PLEKHH2: variants seen among roughly 807,000 people sequenced by gnomAD.
The protein encoded by PLEKHH2 is pleckstrin homology domain-containing family H member 2.
Under a neutral mutation model 187.9 loss-of-function variants are expected in PLEKHH2, and 129 were observed. That is an observed-to-expected ratio of 0.69 (90% confidence interval 0.59 to 0.79). The LOEUF (loss-of-function observed/expected upper bound fraction) is 0.79, where lower values mean the gene tolerates loss of function less well. Among genes scored for constraint, PLEKHH2 ranks in the 30% least tolerant of loss-of-function variants. PLEKHH2 has a pLI of 0.00. For missense variants in PLEKHH2, 2,076 were observed against 1,751.2 expected, an observed-to-expected ratio of 1.19 and a Z score of -3.31; for synonymous variants, 686 against 605.6, an observed-to-expected ratio of 1.13 and a Z score of -1.95.
At chr2:43,650,714 C>G (rs990869880) in intron 2 of PLEKHH2, among the ~76,000 whole-genome samples, 7 of 151,044 alleles carry the variant, frequency 4.6e-5, no homozygotes, top group Non-Finnish European at 1.0e-4. Flanking sequence ...GGTACGATCT[C>G]TACTCACTGC....
At chr2:43,710,643 C>G (rs1413196398) in intron 14 of PLEKHH2, 68 bp downstream of exon 14, 4 of 1,490,420 alleles carry the variant, frequency 2.7e-6, no homozygotes, top group South Asian at 1.3e-5. Flanking sequence ...ATTATCCAAC[C>G]TAATGGAAAG....
At chr2:43,759,967 A>T (rs1672359988) in intron 27 of PLEKHH2, among the ~76,000 whole-genome samples, 1 of 152,210 alleles carries the variant, frequency 6.6e-6, no homozygotes, top group Admixed American at 6.5e-5. Flanking sequence ...GGTGAGAATT[A>T]ATTTTTTTCT....
chr2:43,700,013 A>G lies in PLEKHH2; in HGVS notation c.1055A>G (p.Tyr352Cys), dbSNP rs200321816. 3.1e-6 allele frequency: 5 copies of G among 1,614,188 alleles called. No individual in the cohort carries two copies. The East Asian group carries it at 8.9e-5, about 29-fold the overall frequency. Residue 352 changes from tyrosine to cysteine, a missense_variant, in exon 8 of 30, where the codon TAT becomes TGT. Coordinates refer to ENST00000282406, the MANE Select transcript of PLEKHH2 (RefSeq NM_172069.4). ...GIKRPEHKKL[Y>C]SWQQEAQWKA... ...AAGAGACCAGAACACAAGAAGCTAT[A>G]TTCTTGGCAGCAGGAGGCACAGTGG... is the stretch of plus-strand genomic sequence containing the variant.
chr2:43,689,361 AGGC>A, intron 3 of PLEKHH2, among the ~76,000 whole-genome samples: 1 of 152,332 alleles, frequency 6.6e-6, no homozygotes, highest in Middle Eastern at 3.4e-3. Context: ...TCCACACTGG[AGGC>A]TATCCGTGTA....
rs746552467 is a variant in PLEKHH2, at chr2:43,700,496, C to G, written c.1538C>G (p.Ser513Cys). Residue 513 changes from serine to cysteine, a missense_variant, in exon 8 of 30, where the codon TCC becomes TGC. Physicochemically the swap from Ser to Cys is moderately radical, Grantham distance 112. Coordinates refer to ENST00000282406, the MANE Select transcript of PLEKHH2 (RefSeq NM_172069.4). ...ACGAGTTGTGATGATGGATTATTTT[C>G]CTATGACTCCTTGGACTCTCCAAAT... ...MDTSCDDGLF[S>C]YDSLDSPNSD... 1.9e-6 allele frequency: 3 copies of G among 1,614,002 alleles called. No homozygotes were observed. Among genetic ancestry groups the G allele is most frequent in the Non-Finnish European group, 2.5e-6 (3 of 1,179,996 alleles).
intron 2 of PLEKHH2, among the ~76,000 whole-genome samples, chr2:43,648,774 T>A (rs563996721): frequency 1.1e-4 from 16 of 151,358 alleles, no homozygotes; most frequent in Admixed American, 8.6e-4. Flanking sequence ...GAGACGGGGT[T>A]TCACCATGTT....
chr2:43,638,264 CACACACACACACA>C (rs1703209596), intron 1 of PLEKHH2, among the ~76,000 whole-genome samples: 2 of 148,644 alleles, frequency 1.3e-5, no homozygotes, highest in Non-Finnish European at 3.0e-5. Context: ...CACACACACA[CACACACACACACA>C]CACACACACA....
intron 2 of PLEKHH2, among the ~76,000 whole-genome samples, chr2:43,654,088 CAG>C (rs1666620952): frequency 6.6e-6 from 1 of 152,118 alleles, no homozygotes; most frequent in Admixed American, 6.5e-5. Context: ...TCAAAAGAAA[CAG>C]AAGCATGTTA....
rs527848676 is a variant in PLEKHH2 at position 43,766,033 on chromosome 2, G to A, written c.*435G>A. 5.7e-5 allele frequency: 9 copies of A among 156,898 alleles called. No homozygotes were observed. Among genetic ancestry groups the A allele is most frequent in the South Asian group, 2.0e-4 (1 of 5,088 alleles). 9.7% of individuals were successfully genotyped at this position (156,898 alleles called of 1,614,324 possible). A position where few individuals can be genotyped will look rare whatever the true frequency, so the allele number is the denominator to read the frequency against. Reference sequence around the variant, plus strand: ...AATAGTAAGTGCTATAACTAAATGCGCTTTTAATTAATGATATAGTGTTTG... The same window carrying A: ...AATAGTAAGTGCTATAACTAAATGCACTTTTAATTAATGATATAGTGTTTG... On this transcript the variant is annotated 3_prime_UTR_variant, in exon 30 of 30. Coordinates refer to ENST00000282406, the MANE Select transcript of PLEKHH2 (RefSeq NM_172069.4).
At chr2:43,684,152 G>C (rs746263896) in intron 3 of PLEKHH2, among the ~76,000 whole-genome samples, 4 of 151,882 alleles carry the variant, frequency 2.6e-5, no homozygotes, top group Non-Finnish European at 4.4e-5. Flanking sequence ...GTATCATATA[G>C]GATATGATAC....
chr2:43,755,166 C>T (rs1445479445), intron 25 of PLEKHH2, among the ~76,000 whole-genome samples: 1 of 152,100 alleles, frequency 6.6e-6, no homozygotes, highest in Non-Finnish European at 1.5e-5. Flanking sequence ...AGCCACCGCG[C>T]CCAGCCAAAA....
At chr2:43,759,445 T>G (rs1374449706) in intron 27 of PLEKHH2, among the ~76,000 whole-genome samples, 1 of 152,232 alleles carries the variant, frequency 6.6e-6, no homozygotes, top group Non-Finnish European at 1.5e-5. Flanking sequence ...CAGGACTATT[T>G]TACTTTGTAA....
chr2:43,671,954 C>T (rs1298774623), intron 2 of PLEKHH2, among the ~76,000 whole-genome samples: 2 of 152,168 alleles, frequency 1.3e-5, no homozygotes, highest in African/African-American at 4.8e-5. Context: ...GAAGCATTCC[C>T]TTCTCTTATG....
At chr2:43,759,365 T>C (rs1371501211) in intron 27 of PLEKHH2, among the ~76,000 whole-genome samples, 6 of 152,246 alleles carry the variant, frequency 3.9e-5, no homozygotes, top group African/African-American at 1.2e-4. Context: ...CTAAGTTCTG[T>C]CTGCTAAACA....
Position 43,765,431 on chromosome 2 carries a change from T to C in PLEKHH2, c.4315T>C (p.Leu1439=). The change falls in exon 30 of 30, where the codon TTG becomes CTG. Residue 1439 remains leucine (L), a synonymous_variant. Transcript: ENST00000282406. ...GTTTTAGATTCTTGAAATCACTCTTTTGATCGCCAGTTACATAAACAACTT... is the reference window on the plus strand; with the variant it reads ...GTTTTAGATTCTTGAAATCACTCTTCTGATCGCCAGTTACATAAACAACTT... ...AKPKILEITL[L]IASYINNFHQ... is the part of the protein sequence containing the mutation. 1.2e-6 allele frequency: 2 copies of C among 1,614,140 alleles called. No individual in the cohort carries two copies. The highest frequency in any genetic ancestry group is 1.7e-5 in the Admixed American group (1 of 60,026).
rs1669304123 is a variant in PLEKHH2 at position 43,700,431 on chromosome 2, A to G, written c.1473A>G (p.Leu491=). The change falls in exon 8 of 30, where the codon CTA becomes CTG. Residue 491 remains leucine, a synonymous_variant. Coordinates refer to ENST00000282406, the MANE Select transcript of PLEKHH2 (RefSeq NM_172069.4). ...PLRPQETDLD[L]VDGDSTEVLE... ...GACCTCAGGAAACTGATCTTGATCT[A>G]GTTGATGGAGACAGTACAGAAGTTT... The G allele has an allele frequency of 3.1e-6, 5 of 1,614,130 alleles. No individual in the cohort carries two copies. The highest frequency in any genetic ancestry group is 1.1e-5 in the South Asian group (1 of 91,086).
At chr2:43,765,005 C>T (rs1165982472) in intron 29 of PLEKHH2, among the ~76,000 whole-genome samples, 1 of 152,168 alleles carries the variant, frequency 6.6e-6, no homozygotes, top group Admixed American at 6.5e-5. Flanking sequence ...TTAATTAAGC[C>T]TATACTTAAG....
At position 43,764,545 on chromosome 2, in the gene PLEKHH2, C is replaced by A. The variant is rs140505173; in HGVS notation, c.4296+180C>A. Among the ~76,000 whole-genome samples the A allele has an allele frequency of 6.9e-4, 105 of 152,256 alleles. 1 individual carries two copies. In the South Asian group the frequency reaches 7.7e-3, roughly 11 times the overall value. On this transcript the variant is annotated intron_variant, in intron 29 of 29. Coordinates refer to ENST00000282406, the MANE Select transcript of PLEKHH2 (RefSeq NM_172069.4). Reference sequence around the variant, plus strand: ...AAACAAACATGGGTCCAACTTACATCATCTTTCCAAGCTCTGGTTTCTTTG... The same window carrying A: ...AAACAAACATGGGTCCAACTTACATAATCTTTCCAAGCTCTGGTTTCTTTG...
chr2:43,748,179 T>C (rs1464596114), intron 24 of PLEKHH2, among the ~76,000 whole-genome samples: 1 of 152,234 alleles, frequency 6.6e-6, no homozygotes, highest in Non-Finnish European at 1.5e-5. Flanking sequence ...ACACTGGAGC[T>C]TCTTTATTCA....
Sources: gnomAD v4.1 joint callset for allele counts (sites outside exome capture counted in the v4.1 genomes callset) on GRCh38, gnomAD v4.1.1 for gene constraint, MANE v1.5 for transcripts, NCBI Gene and HGNC (gene_info 2026-07-23, HGNC 2026-07-21) for gene names.